The following WWOX variants were observed in gnomAD, a reference collection of about 807,000 sequenced individuals.
WWOX encodes the protein WW domain containing oxidoreductase.
WWOX carries 69 observed loss-of-function variants against 46.2 expected under a neutral mutation model. The observed-to-expected ratio is 1.49, with a 90% CI of 1.23 to 1.82. The LOEUF (loss-of-function observed/expected upper bound fraction) is 1.82, where lower values mean the gene tolerates loss of function less well. Ranked by LOEUF, WWOX falls within the 40% of genes most tolerant of loss-of-function variation. The pLI is 0.00. For missense variants in WWOX, 919 were observed against 542.6 expected (o/e 1.69, Z -6.89); for synonymous variants, 359 against 202.6 (o/e 1.77, Z -6.56).
chr16:78,315,959 C>T (rs977192073), intron 5 of WWOX, among the ~76,000 whole-genome samples: 14 of 151,974 alleles, frequency 9.2e-5, no homozygotes, highest in Non-Finnish European at 1.5e-4. Flanking sequence ...GTAAGTGGCA[C>T]TGCAGGCCAG....
At chr16:78,514,187 C>A (rs762306148) in intron 8 of WWOX, among the ~76,000 whole-genome samples, 45 of 152,108 alleles carry the variant, frequency 3.0e-4, no homozygotes, top group African/African-American at 9.9e-4. Flanking sequence ...GATACAGCAA[C>A]CTAGTCTATG....
At chr16:79,166,009 T>G (rs112508416) in intron 8 of WWOX, among the ~76,000 whole-genome samples, 2 of 152,336 alleles carry the variant, frequency 1.3e-5, no homozygotes, top group African/African-American at 4.8e-5. Flanking sequence ...TAATGTCATT[T>G]TCATAACTAT....
At chr16:78,319,868 G>A (rs868539967) in intron 5 of WWOX, among the ~76,000 whole-genome samples, 6 of 152,062 alleles carry the variant, frequency 3.9e-5, no homozygotes, top group South Asian at 2.1e-4. Context: ...CACCTCACGC[G>A]TCTTTTCTGC....
chr16:78,252,612 T>G (rs533458415), intron 5 of WWOX, among the ~76,000 whole-genome samples: 1 of 152,226 alleles, frequency 6.6e-6, no homozygotes, highest in South Asian at 2.1e-4. Flanking sequence ...TTCCTTCTAC[T>G]TAAGGGCTCT....
intron 5 of WWOX, among the ~76,000 whole-genome samples, chr16:78,166,298 T>G (rs888922197): frequency 2.6e-5 from 4 of 152,162 alleles, no homozygotes; most frequent in Admixed American, 6.5e-5. Context: ...TGGTGGCCAT[T>G]TAGGTTGTTT....
intron 8 of WWOX, among the ~76,000 whole-genome samples, chr16:79,086,971 G>A (rs1005500048): frequency 2.6e-5 from 4 of 152,192 alleles, no homozygotes; most frequent in East Asian, 3.9e-4. Context: ...AGGAAGCCCC[G>A]TGTCTGAATG....
intron 8 of WWOX, among the ~76,000 whole-genome samples, chr16:78,867,250 G>C (rs755715852): frequency 2.0e-5 from 3 of 152,168 alleles, no homozygotes; most frequent in Non-Finnish European, 4.4e-5. Context: ...GGACAATGGA[G>C]TGAACATCTT....
At chr16:78,875,906 C>G (rs1288421891) in intron 8 of WWOX, among the ~76,000 whole-genome samples, 2 of 152,172 alleles carry the variant, frequency 1.3e-5, no homozygotes, top group South Asian at 2.1e-4. Flanking sequence ...AATTCTTTCT[C>G]CTGATACCAT....
intron 4 of WWOX, among the ~76,000 whole-genome samples, chr16:78,118,712 A>G (rs757612900): frequency 6.6e-5 from 10 of 152,152 alleles, no homozygotes; most frequent in Non-Finnish European, 1.0e-4. Context: ...GCCGACTGCT[A>G]TGTTAGATAC....
intron 8 of WWOX, among the ~76,000 whole-genome samples, chr16:78,512,704 G>C (rs1329858065): frequency 6.6e-6 from 1 of 151,726 alleles, no homozygotes; most frequent in Non-Finnish European, 1.5e-5. Context: ...ATGTATATGT[G>C]GTAAATAATT....
rs535163723 is a variant in WWOX, at chr16:78,860,824, C to G, written c.1057-350784C>G. On this transcript the variant is annotated intron_variant, in intron 8 of 8. Transcript: ENST00000566780. Reference sequence around the variant, plus strand: ...TTAGCTCAGGCTATAGGGAGGATTTCTCTCCCAGGTGTTTGTTTTGTTTTG... The same window carrying G: ...TTAGCTCAGGCTATAGGGAGGATTTGTCTCCCAGGTGTTTGTTTTGTTTTG... 6.6e-5 allele frequency among the ~76,000 whole-genome samples: 10 copies of G among 152,186 alleles called. No individual in the cohort carries two copies. The East Asian group carries it at 1.6e-3, about 24-fold the overall frequency.
chr16:78,254,710 G>T (rs916642035), intron 5 of WWOX, among the ~76,000 whole-genome samples: 1 of 151,536 alleles, frequency 6.6e-6, no homozygotes, highest in African/African-American at 2.4e-5. Context: ...ATATTTTTTG[G>T]TAGAGATGGG....
chr16:78,700,607 C>G (rs918730912), intron 8 of WWOX, among the ~76,000 whole-genome samples: 1 of 152,202 alleles, frequency 6.6e-6, no homozygotes, highest in Non-Finnish European at 1.5e-5. Flanking sequence ...GGGCACTCAG[C>G]TGTTACCTCC....
intron 8 of WWOX, among the ~76,000 whole-genome samples, chr16:79,055,136 A>G (rs1045596201): frequency 8.5e-5 from 13 of 152,236 alleles, no homozygotes; most frequent in Non-Finnish European, 1.0e-4. Context: ...GGTAGAAGAA[A>G]AAAACATTCC....
intron 8 of WWOX, among the ~76,000 whole-genome samples, chr16:78,850,690 C>G (rs894596937): frequency 6.6e-6 from 1 of 152,314 alleles, no homozygotes; most frequent in South Asian, 2.1e-4. Context: ...CTACTTGTGT[C>G]TCTGTGCCAG....
intron 8 of WWOX, among the ~76,000 whole-genome samples, chr16:78,597,230 G>A (rs745721396): frequency 4.6e-5 from 7 of 152,166 alleles, no homozygotes; most frequent in Non-Finnish European, 7.4e-5. Flanking sequence ...AAGTCCATAG[G>A]TGCTGTTTCC....
intron 8 of WWOX, among the ~76,000 whole-genome samples, chr16:79,096,790 G>C (rs1283442796): frequency 1.3e-5 from 2 of 152,138 alleles, no homozygotes; most frequent in Non-Finnish European, 2.9e-5. Context: ...CCTCATAGGT[G>C]CTTAGCAAAT....
intron 8 of WWOX, among the ~76,000 whole-genome samples, chr16:79,160,157 A>G (rs1363509826): frequency 6.6e-6 from 1 of 152,234 alleles, no homozygotes; most frequent in South Asian, 2.1e-4. Context: ...TGAGGCCGAG[A>G]ACATCCAAAT....
intron 5 of WWOX, among the ~76,000 whole-genome samples, chr16:78,348,906 A>AGAAATCAGG (rs72001844): frequency 0.04 from 4,881 of 120,616 alleles, 1,351 homozygotes; most frequent in Non-Finnish European, 0.052. Context: ...ACAGAGGGTC[A>AGAAATCAGG]GAAATCAGGG....
Sources: gnomAD v4.1 joint callset for allele counts (sites outside exome capture counted in the v4.1 genomes callset) on GRCh38, gnomAD v4.1.1 for gene constraint, MANE v1.5 for transcripts, NCBI Gene and HGNC (gene_info 2026-07-23, HGNC 2026-07-21) for gene names.